Variants in CCSER1 observed in about 807,000 individuals in gnomAD.
CCSER1 encodes coiled-coil serine rich protein 1.
In CCSER1, 41 loss-of-function variants were observed where a neutral mutation model predicts 82.0. The observed-to-expected ratio is 0.50, with a 90% CI of 0.39 to 0.65. CCSER1 has a LOEUF of 0.65. Among genes scored for constraint, CCSER1 ranks in the 30% least tolerant of loss-of-function variants. CCSER1 has a pLI of 0.00. For synonymous variants in CCSER1, 414 were observed against 383.9 expected, an observed-to-expected ratio of 1.08 and a Z score of -0.92; for missense variants, 1,119 against 1,064.2, an observed-to-expected ratio of 1.05 and a Z score of -0.72.
At chr4:90,132,057 T>C (rs528813764) in intron 1 of CCSER1, among the ~76,000 whole-genome samples, 1 of 152,212 alleles carries the variant, frequency 6.6e-6, no homozygotes. Flanking sequence ...ACTTTCAGAT[T>C]AGTTGAATTA....
At chr4:90,259,292 T>G (rs1242345185) in intron 1 of CCSER1, among the ~76,000 whole-genome samples, 1 of 152,180 alleles carries the variant, frequency 6.6e-6, no homozygotes, top group Non-Finnish European at 1.5e-5. Flanking sequence ...TGTTGGTGAA[T>G]AGCAGTGCTT....
At chr4:91,579,454 A>G (rs1311091026) in intron 10 of CCSER1, among the ~76,000 whole-genome samples, 1 of 151,758 alleles carries the variant, frequency 6.6e-6, no homozygotes, top group African/African-American at 2.4e-5. Context: ...AATGGCATCT[A>G]TGTGATGAAA....
intron 10 of CCSER1, among the ~76,000 whole-genome samples, chr4:91,237,848 C>T (rs1005499993): frequency 3.9e-5 from 6 of 152,120 alleles, no homozygotes; most frequent in Admixed American, 1.3e-4. Context: ...TTAGTAAATT[C>T]GAGTTTGCTG....
chr4:90,869,210 C>G (rs1035253663), intron 8 of CCSER1, among the ~76,000 whole-genome samples: 6 of 151,880 alleles, frequency 4.0e-5, no homozygotes, highest in Non-Finnish European at 8.8e-5. Context: ...ATGATGCGAT[C>G]CCATTTGTCT....
At chr4:91,402,083 G>C (rs1317855317) in intron 10 of CCSER1, among the ~76,000 whole-genome samples, 6 of 152,038 alleles carry the variant, frequency 3.9e-5, no homozygotes, top group African/African-American at 9.7e-5. Flanking sequence ...TTTAATGACC[G>C]CCATTCTAAC....
At chr4:91,204,414 A>C (rs1478770807) in intron 10 of CCSER1, among the ~76,000 whole-genome samples, 1 of 151,802 alleles carries the variant, frequency 6.6e-6, no homozygotes, top group Non-Finnish European at 1.5e-5. Context: ...ATGCTTTGCT[A>C]TATGTTCTGG....
Position 90,396,662 on chromosome 4 carries a change from A to C in CCSER1, c.1510-3374A>C, listed in dbSNP as rs537217806. 3.3e-5 allele frequency among the ~76,000 whole-genome samples: 5 copies of C among 152,140 alleles called. No individual in the cohort carries two copies. In the East Asian group the frequency reaches 9.7e-4, roughly 29 times the overall value. On this transcript the variant is annotated intron_variant, in intron 3 of 10. Transcript: ENST00000509176. ...TTTTTTTTCATGCTCATATTGCCAG[A>C]GATTACCTAGGGAGAAGCCATCTAA... is the stretch of plus-strand genomic sequence containing the variant.
At chr4:91,172,092 AT>A (rs1454043312) in intron 10 of CCSER1, among the ~76,000 whole-genome samples, 36 of 152,270 alleles carry the variant, frequency 2.4e-4, no homozygotes, top group African/African-American at 8.2e-4. Context: ...ATAAATGGAT[AT>A]TAATATAAAA....
chr4:90,860,184 GGGC>G (rs1262541686), intron 8 of CCSER1, among the ~76,000 whole-genome samples: 1 of 151,450 alleles, frequency 6.6e-6, no homozygotes, highest in Non-Finnish European at 1.5e-5. Flanking sequence ...GTTTTAAAAT[GGGC>G]ATACCATTTG....
At chr4:91,149,373 A>T (rs1256015268) in intron 10 of CCSER1, among the ~76,000 whole-genome samples, 1 of 152,094 alleles carries the variant, frequency 6.6e-6, no homozygotes. Flanking sequence ...AGATTCTGGA[A>T]ATTAGCCCTT....
At chr4:90,462,264 G>A (rs1315562282) in intron 4 of CCSER1, among the ~76,000 whole-genome samples, 7 of 151,256 alleles carry the variant, frequency 4.6e-5, no homozygotes, top group Non-Finnish European at 8.8e-5. Flanking sequence ...ATTTGTTTTT[G>A]TAACAAGTAA....
intron 10 of CCSER1, among the ~76,000 whole-genome samples, chr4:91,334,814 A>G (rs1384362018): frequency 6.6e-6 from 1 of 151,922 alleles, no homozygotes; most frequent in African/African-American, 2.4e-5. Flanking sequence ...TGGCCATTCT[A>G]TATTAAAGCC....
chr4:90,932,155 A>G (rs1729902899), intron 9 of CCSER1, among the ~76,000 whole-genome samples: 1 of 152,198 alleles, frequency 6.6e-6, no homozygotes, highest in Non-Finnish European at 1.5e-5. Context: ...CATTGTTAAG[A>G]TGGTAATTAG....
At chr4:91,020,491 T>C (rs1739840513) in intron 9 of CCSER1, among the ~76,000 whole-genome samples, 1 of 151,960 alleles carries the variant, frequency 6.6e-6, no homozygotes, top group South Asian at 2.1e-4. Context: ...TGAAACCCCG[T>C]CTCTACTAAA....
chr4:90,311,389 T>C (rs1223982173), intron 2 of CCSER1, among the ~76,000 whole-genome samples: 1 of 148,682 alleles, frequency 6.7e-6, no homozygotes, highest in Non-Finnish European at 1.5e-5. Context: ...GGGATCCTAT[T>C]TGTAACACAA....
intron 10 of CCSER1, among the ~76,000 whole-genome samples, chr4:91,190,140 G>A (rs906933035): frequency 1.3e-5 from 2 of 152,098 alleles, no homozygotes; most frequent in Admixed American, 6.5e-5. Context: ...CCTGCCCATT[G>A]GTTCATGTAG....
intron 5 of CCSER1, among the ~76,000 whole-genome samples, chr4:90,616,679 TGTCTCACA>T (rs1170369295): frequency 8.6e-4 from 116 of 135,628 alleles, no homozygotes; most frequent in Non-Finnish European, 1.5e-3. Context: ...AGTGTGGCTC[TGTCTCACA>T]CACACACACA....
intron 9 of CCSER1, among the ~76,000 whole-genome samples, chr4:90,935,010 T>C (rs529973707): frequency 6.6e-6 from 1 of 151,878 alleles, no homozygotes; most frequent in East Asian, 1.9e-4. Context: ...CATAACGACA[T>C]ATGAAATGCA....
rs1020405694 is a variant in CCSER1, at chr4:90,474,554, A to G, written c.1724+6200A>G. Among the ~76,000 whole-genome samples, 5 of 152,236 alleles carry G rather than the reference A, an allele frequency of 3.3e-5. 1 individual carries two copies. Among genetic ancestry groups the G allele is most frequent in the African/African-American group, 7.2e-5 (3 of 41,460 alleles). The stretch of plus-strand genomic sequence containing the variant: ...AGCAGTTCTCCCCAGCTCTAGATTC[A>G]GTGATTTCACAGTGAAAGTTTGAAA... On this transcript the variant is annotated intron_variant, in intron 5 of 10. Transcript: ENST00000509176.
Sources: gnomAD v4.1 joint callset for allele counts (sites outside exome capture counted in the v4.1 genomes callset) on GRCh38, gnomAD v4.1.1 for gene constraint, MANE v1.5 for transcripts, NCBI Gene and HGNC (gene_info 2026-07-23, HGNC 2026-07-21) for gene names.